CD8A: variants seen among roughly 807,000 people sequenced by gnomAD.
CD8A encodes the protein T-cell surface glycoprotein CD8 alpha chain.
CD8A carries 25 observed loss-of-function variants against 24.2 expected under a neutral mutation model. That is an observed-to-expected ratio of 1.03 (90% CI 0.75 to 1.44). The LOEUF (loss-of-function observed/expected upper bound fraction) is 1.44, where lower values mean the gene tolerates loss of function less well. Among genes scored for constraint, CD8A ranks in the 40% most tolerant of loss-of-function variants. The pLI, the probability that CD8A is intolerant of heterozygous loss-of-function variation, is 0.00. For missense variants in CD8A, 360 were observed against 319.7 expected, an observed-to-expected ratio of 1.13 and a Z score of -0.96; for synonymous variants, 165 against 149.9, an observed-to-expected ratio of 1.10 and a Z score of -0.74.
At chr2:86,791,611 T>C (rs944157451), upstream of CD8A, 1 of 454,054 alleles carries the variant, frequency 2.2e-6, no homozygotes, top group African/African-American at 2.0e-5. Context: ...AAAATTATTA[T>C]TCTCACAAAG....
intron 3 of CD8A, among the ~76,000 whole-genome samples, chr2:86,799,658 C>T (rs566216249): frequency 5.3e-4 from 80 of 152,054 alleles, no homozygotes; most frequent in Non-Finnish European, 8.5e-4. Context: ...CGGGAGGCTG[C>T]GGCAGGAGAA....
intron 2 of CD8A, among the ~76,000 whole-genome samples, chr2:86,806,910 T>C (rs1056514293): frequency 1.3e-5 from 2 of 152,182 alleles, no homozygotes; most frequent in Non-Finnish European, 2.9e-5. Flanking sequence ...TTAAAGTTTC[T>C]ATTTTGGGTA....
At chr2:86,788,245 G>GTT (rs10663115) in intron 5 of CD8A, among the ~76,000 whole-genome samples, 33,845 of 126,968 alleles carry the variant, frequency 0.27, 4,952 homozygotes, top group African/African-American at 0.33. Flanking sequence ...AATCCCTCAG[G>GTT]TTTTTTTTTT....
upstream of CD8A, among the ~76,000 whole-genome samples, chr2:86,795,020 C>T (rs1451361171): frequency 6.6e-6 from 1 of 152,224 alleles, no homozygotes; most frequent in Non-Finnish European, 1.5e-5. Context: ...TTCCCCCTCC[C>T]ACTCCCAGAC....
At chr2:86,791,207 G>A, upstream of CD8A, 2 of 450,178 alleles carry the variant, frequency 4.4e-6, no homozygotes, top group Non-Finnish European at 8.4e-6. Context: ...AAGTGAGGGC[G>A]AGAGTAGGCA....
intron 2 of CD8A, among the ~76,000 whole-genome samples, chr2:86,806,717 G>A (rs961046035): frequency 3.9e-5 from 6 of 152,044 alleles, no homozygotes; most frequent in African/African-American, 1.4e-4. Context: ...CCCATCCTCC[G>A]GCTTGCACCA....
Position 86,790,626 on chromosome 2 carries a change from C to A in CD8A, c.105G>T (p.Leu35=). 1 of 1,605,704 alleles carries A rather than the reference C, an allele frequency of 6.2e-7. No individual in the cohort carries two copies. ...RVSPLDRTWN[L]GETVELKCQV... is the part of the protein sequence containing the mutation. ...GGCACTTCAGCTCCACTGTCTCGCCCAGGTTCCAGGTCCGATCCAGCGGCG... is the reference window on the plus strand; with the variant it reads ...GGCACTTCAGCTCCACTGTCTCGCCAAGGTTCCAGGTCCGATCCAGCGGCG... The change falls in exon 2 of 6, where the codon CTG becomes CTT. Residue 35 remains leucine, a synonymous_variant. Coordinates refer to ENST00000283635, the MANE Select transcript of CD8A (RefSeq NM_001768.7).
chr2:86,792,871 A>T (rs1442463898), upstream of CD8A, among the ~76,000 whole-genome samples: 2 of 151,408 alleles, frequency 1.3e-5, no homozygotes, highest in African/African-American at 4.9e-5. Flanking sequence ...AGCATCCAAG[A>T]TGCTTATTCT....
intron 3 of CD8A, among the ~76,000 whole-genome samples, chr2:86,796,178 C>T (rs544389276): frequency 3.0e-4 from 45 of 152,184 alleles, no homozygotes; most frequent in Middle Eastern, 3.4e-3. Context: ...GAGAATGCAA[C>T]ACAGGGAGAT....
rs775721972 is a variant in CD8A, at chr2:86,785,702, A to T, written c.*218T>A. On this transcript the variant is annotated 3_prime_UTR_variant, in exon 6 of 6. Coordinates refer to ENST00000283635, the MANE Select transcript of CD8A (RefSeq NM_001768.7). Reference sequence around the variant, plus strand: ...CGCCCTACCGCGATGTGCGCACAACAGTATTGTGACCCTTGTGGTGTACTG... The same window carrying T: ...CGCCCTACCGCGATGTGCGCACAACTGTATTGTGACCCTTGTGGTGTACTG... The T allele has an allele frequency of 2.1e-5, 15 of 708,720 alleles. No homozygotes were observed. Among genetic ancestry groups the T allele is most frequent in the Non-Finnish European group, 3.6e-5 (14 of 388,052 alleles). The allele number at this position is 708,720 out of a possible 1,614,324, so 43.9% of individuals were successfully genotyped here. A position where few individuals can be genotyped will look rare whatever the true frequency, so the allele number is the denominator to read the frequency against.
chr2:86,795,337 T>C (rs1216934391), upstream of CD8A, among the ~76,000 whole-genome samples: 1 of 152,102 alleles, frequency 6.6e-6, no homozygotes, highest in Non-Finnish European at 1.5e-5. Flanking sequence ...GCTTCACATA[T>C]AGTTGGGTTT....
chr2:86,789,629 G>A lies in CD8A; in HGVS notation c.514+11C>T. ...CGTGCCGCCCCCGCCCCGGGCCCCCGCACGCCTCACCTGCGCCCCCCGCCG... is the reference window on the plus strand; with the variant it reads ...CGTGCCGCCCCCGCCCCGGGCCCCCACACGCCTCACCTGCGCCCCCCGCCG... On this transcript the variant is annotated intron_variant, in intron 3 of 5. Transcript: ENST00000283635. 6.7e-7 allele frequency: 1 copy of A among 1,490,776 alleles called. No homozygotes were observed. The highest frequency in any genetic ancestry group is 8.9e-7 in the Non-Finnish European group (1 of 1,119,100). The allele number at this position is 1,490,776 out of a possible 1,614,324, so 92.3% of individuals were successfully genotyped here.
intron 3 of CD8A, among the ~76,000 whole-genome samples, chr2:86,797,873 C>G (rs1284280250): frequency 6.6e-6 from 1 of 152,144 alleles, no homozygotes; most frequent in Non-Finnish European, 1.5e-5. Context: ...GAGTTTTGTT[C>G]ATTAATTATG....
chr2:86,801,552 C>T (rs967641708), exon 3 of CD8A: 1 of 152,232 alleles, frequency 6.6e-6, no homozygotes. Flanking sequence ...CCATGTTGCC[C>T]AGGCTGGTCT....
chr2:86,802,864 G>C (rs1673719901), intron 2 of CD8A, among the ~76,000 whole-genome samples: 1 of 152,094 alleles, frequency 6.6e-6, no homozygotes, highest in African/African-American at 2.4e-5. Flanking sequence ...GCCTGCCTTG[G>C]CTTCCCAAAA....
At chr2:86,793,674 C>T (rs902216042), upstream of CD8A, among the ~76,000 whole-genome samples, 2 of 152,246 alleles carry the variant, frequency 1.3e-5, no homozygotes, top group South Asian at 4.1e-4. Flanking sequence ...CGAAACTGCA[C>T]TTGCCCAGTG....
At position 86,788,530 on chromosome 2, in the gene CD8A, C is replaced by T. The variant is rs138963205; in HGVS notation, c.656G>A (p.Arg219Gln). The T allele has an allele frequency of 5.0e-5, 80 of 1,612,486 alleles. No homozygotes were observed. The highest frequency in any genetic ancestry group is 6.3e-5 in the Non-Finnish European group (74 of 1,179,222). Reference sequence around the variant, plus strand: ...CAGGCTGAGTTCAAAAGAGACTCACCGGGGACATTTGCAAACACGTCTTCG... The same window carrying T: ...CAGGCTGAGTTCAAAAGAGACTCACTGGGGACATTTGCAAACACGTCTTCG... Reference protein sequence around the residue: ...RNRRRVCKCPRPVVKSGDKPS... With the variant: ...RNRRRVCKCPQPVVKSGDKPS... Residue 219 changes from arginine (R) to glutamine (Q), a missense_variant and splice_region_variant, in exon 5 of 6, where the codon CGG becomes CAG. By Grantham distance (43) the Arg-to-Gln change is conservative. Coordinates refer to ENST00000283635, the MANE Select transcript of CD8A (RefSeq NM_001768.7).
At chr2:86,804,109 A>T (rs1056307543) in intron 2 of CD8A, among the ~76,000 whole-genome samples, 1 of 152,240 alleles carries the variant, frequency 6.6e-6, no homozygotes, top group Non-Finnish European at 1.5e-5. Context: ...GCATAAGTCA[A>T]TTTGTTTCAC....
chr2:86,794,991 TC>T (rs879624923), upstream of CD8A, among the ~76,000 whole-genome samples: 1 of 152,130 alleles, frequency 6.6e-6, no homozygotes, highest in Non-Finnish European at 1.5e-5. Flanking sequence ...AGCATCTCCT[TC>T]CTGTGGGGTT....
Sources: gnomAD v4.1 joint callset for allele counts (sites outside exome capture counted in the v4.1 genomes callset) on GRCh38, gnomAD v4.1.1 for gene constraint, MANE v1.5 for transcripts, NCBI Gene and HGNC (gene_info 2026-07-23, HGNC 2026-07-21) for gene names.